S100A13: variants seen among roughly 807,000 people sequenced by gnomAD.
S100A13 encodes protein S100-A13.
S100A13 carries 6 observed loss-of-function variants against 8.2 expected under a neutral mutation model. That is an observed-to-expected ratio of 0.73 (90% confidence interval 0.40 to 1.44). The LOEUF is 1.44. S100A13 is among the 40% of genes most tolerant of loss of function. The probability of loss-of-function intolerance (pLI) is 0.02; values close to 1 mark genes in which losing one functional copy is unlikely to be tolerated. For synonymous variants in S100A13, 39 were observed against 45.9 expected, an observed-to-expected ratio of 0.85 and a Z score of 0.61; for missense variants, 114 against 113.6, an observed-to-expected ratio of 1.00 and a Z score of -0.02.
upstream of S100A13, chr1:153,628,358 T>A: frequency 1.3e-6 from 2 of 1,540,590 alleles, no homozygotes; most frequent in Non-Finnish European, 1.8e-6. Context: ...GGTGTTCGTC[T>A]GTGAAGGGGT....
At position 153,626,242 on chromosome 1, in the gene S100A13, A is replaced by C. The variant is rs181294157; in HGVS notation, c.153+78T>G. On this transcript the variant is annotated intron_variant, in intron 2 of 2. Coordinates refer to ENST00000476133, the MANE Select transcript of S100A13 (RefSeq NM_001024211.2). ...CCCTTTCTTGTGGTCACCTCACCGT[A>C]CTCGGCACCATCACGTCCTAAACAC... 5 of 1,337,628 alleles carry C rather than the reference A, an allele frequency of 3.7e-6. No homozygotes were observed. In the African/African-American group the frequency reaches 5.7e-5, roughly 15 times the overall value. 82.9% of individuals were successfully genotyped at this position (1,337,628 alleles called of 1,614,324 possible). A position where few individuals can be genotyped will look rare whatever the true frequency, so the allele number is the denominator to read the frequency against.
intron 2 of S100A13, among the ~76,000 whole-genome samples, chr1:153,624,731 G>C (rs1199807396): frequency 2.0e-5 from 3 of 152,132 alleles, no homozygotes; most frequent in Non-Finnish European, 4.4e-5. Context: ...TTGAGGCCTA[G>C]AGTTTGAGAC....
upstream of S100A13, chr1:153,627,958 C>T (rs1021246596): frequency 1.4e-6 from 2 of 1,416,712 alleles, no homozygotes; most frequent in Non-Finnish European, 1.9e-6. Context: ...GCCCCACACA[C>T]AGAGGGGGAT....
At chr1:153,627,548 G>T (rs1667741606), upstream of S100A13, 1 of 154,608 alleles carries the variant, frequency 6.5e-6, no homozygotes, top group Admixed American at 6.3e-5. Context: ...AGCGGGGAAG[G>T]AGGAGAGAGC....
chr1:153,628,243 G>A, upstream of S100A13: 1 of 1,540,968 alleles, frequency 6.5e-7, no homozygotes. Flanking sequence ...GCTGCCTGGA[G>A]AGAAAGGAAC....
chr1:153,627,553 G>C (rs1667741702), upstream of S100A13: 1 of 154,952 alleles, frequency 6.5e-6, no homozygotes, highest in East Asian at 1.9e-4. Flanking sequence ...GGAAGGAGGA[G>C]AGAGCTGCTT....
intron 1 of S100A13, 165 bp from the exon 2 acceptor site, chr1:153,626,698 C>T (rs1051592708): frequency 2.1e-6 from 1 of 480,876 alleles, no homozygotes; most frequent in Non-Finnish European, 3.8e-6. Context: ...GCAGACCAGG[C>T]AACGGCATCT....
chr1:153,627,820 AGGGAGG>A, upstream of S100A13: 1 of 544,542 alleles, frequency 1.8e-6, no homozygotes, highest in Non-Finnish European at 3.3e-6. Flanking sequence ...AGGGGGGAAG[AGGGAGG>A]CAACCAATCA....
At chr1:153,629,707 G>A (rs1667897817), upstream of S100A13, 2 of 152,390 alleles carry the variant, frequency 1.3e-5, no homozygotes, top group Admixed American at 6.5e-5. Flanking sequence ...GTGAGCAGTT[G>A]CAGGGACAAC....
chr1:153,628,377 TG>T (rs755947934), upstream of S100A13: 16 of 1,543,328 alleles, frequency 1.0e-5, no homozygotes, highest in Non-Finnish European at 1.4e-5. Flanking sequence ...GTGGAGTCGG[TG>T]GGGGGGTCAG....
intron 2 of S100A13, among the ~76,000 whole-genome samples, chr1:153,624,321 C>T (rs551960060): frequency 2.6e-5 from 4 of 152,052 alleles, no homozygotes; most frequent in East Asian, 1.9e-4. Flanking sequence ...ATTGTCTGTG[C>T]GGATGCTGAA....
chr1:153,627,336 C>G (rs1451244634), intron 1 of S100A13, 147 bp downstream of exon 1: 1 of 152,332 alleles, frequency 6.6e-6, no homozygotes, highest in East Asian at 1.9e-4. Flanking sequence ...CTGTCCACCC[C>G]GTCACACACT....
At chr1:153,622,300 G>A (rs1667318920) in intron 2 of S100A13, among the ~76,000 whole-genome samples, 1 of 152,150 alleles carries the variant, frequency 6.6e-6, no homozygotes, top group South Asian at 2.1e-4. Context: ...GAACCTGGGA[G>A]GCAGAGGTTG....
chr1:153,633,588 C>T (rs1277393595), upstream of S100A13, among the ~76,000 whole-genome samples: 1 of 152,088 alleles, frequency 6.6e-6, no homozygotes, highest in Non-Finnish European at 1.5e-5. Flanking sequence ...GGAATTTGCT[C>T]CTAATACTGG....
upstream of S100A13, chr1:153,633,284 C>G (rs1668134852): frequency 6.6e-6 from 1 of 152,190 alleles, no homozygotes; most frequent in Non-Finnish European, 1.5e-5. Flanking sequence ...TAGGTCAAGG[C>G]TGCAGTGATC....
At chr1:153,626,284 C>T in intron 2 of S100A13, 36 bp downstream of exon 2, 2 of 1,600,470 alleles carry the variant, frequency 1.2e-6, no homozygotes, top group Non-Finnish European at 8.6e-7. Flanking sequence ...CCATAATCAT[C>T]ATCTCACAAA....
chr1:153,619,931 GCTACTGT>G (rs1667126288), intron 2 of S100A13, among the ~76,000 whole-genome samples: 1 of 152,288 alleles, frequency 6.6e-6, no homozygotes, highest in East Asian at 1.9e-4. Flanking sequence ...GGCAAGGATG[GCTACTGT>G]AACATTATAT....
At chr1:153,619,433 T>C (rs1571278202) in intron 2 of S100A13, among the ~76,000 whole-genome samples, 1 of 152,174 alleles carries the variant, frequency 6.6e-6, no homozygotes, top group African/African-American at 2.4e-5. Flanking sequence ...TGCTGCAGGG[T>C]TGGACCCAGT....
upstream of S100A13, chr1:153,631,102 G>A (rs1260992480): frequency 3.3e-6 from 1 of 300,038 alleles, no homozygotes; most frequent in Non-Finnish European, 6.2e-6. Context: ...GACATTTTAG[G>A]AGGAGGTAAC....
Sources: gnomAD v4.1 joint callset for allele counts (sites outside exome capture counted in the v4.1 genomes callset) on GRCh38, gnomAD v4.1.1 for gene constraint, MANE v1.5 for transcripts, NCBI Gene and HGNC (gene_info 2026-07-23, HGNC 2026-07-21) for gene names.